The following NAV2 variants were observed in gnomAD, a reference collection of about 807,000 sequenced individuals.
NAV2 encodes helicase, APC down-regulated 1.
In NAV2, 54 loss-of-function variants were observed where a neutral mutation model predicts 223.2. The observed-to-expected ratio is 0.24, with a 90% CI of 0.19 to 0.30. The LOEUF (loss-of-function observed/expected upper bound fraction) is 0.30. NAV2 is among the 10% of genes least tolerant of loss of function. NAV2 has a pLI of 1.00. For synonymous variants in NAV2, 1,279 were observed against 1,239.3 expected (o/e 1.03, Z -0.67); for missense variants, 2,806 against 3,147.5 (o/e 0.89, Z 2.60).
intron 1 of NAV2, among the ~76,000 whole-genome samples, chr11:19,613,610 A>G (rs763890332): frequency 4.6e-5 from 7 of 152,138 alleles, no homozygotes; most frequent in African/African-American, 7.2e-5. Flanking sequence ...TCTATGGCCA[A>G]TCCTCTCCAG....
At chr11:19,971,718 T>A (rs946046706) in intron 10 of NAV2, among the ~76,000 whole-genome samples, 20 of 152,264 alleles carry the variant, frequency 1.3e-4, no homozygotes, top group African/African-American at 4.3e-4. Flanking sequence ...AACTTTTTTC[T>A]GTTTTGAGAC....
intron 19 of NAV2, among the ~76,000 whole-genome samples, chr11:20,061,568 CAA>C (rs34084582): frequency 1.2e-4 from 11 of 94,738 alleles, no homozygotes; most frequent in Admixed American, 2.2e-4. Flanking sequence ...AACTCCATCT[CAA>C]AAAAAAAAAA....
At chr11:19,625,406 A>C (rs951682586) in intron 1 of NAV2, among the ~76,000 whole-genome samples, 4 of 152,178 alleles carry the variant, frequency 2.6e-5, no homozygotes, top group Non-Finnish European at 5.9e-5. Flanking sequence ...TTATGGCTGA[A>C]TAGTATTCCA....
chr11:19,821,261 C>CAAA (rs60029840), intron 1 of NAV2, among the ~76,000 whole-genome samples: 1 of 99,594 alleles, frequency 1.0e-5, no homozygotes, highest in African/African-American at 3.8e-5. Flanking sequence ...GACTCTGTCT[C>CAAA]AAAAAAAAAA....
intron 5 of NAV2, among the ~76,000 whole-genome samples, chr11:19,890,526 C>T (rs1387361465): frequency 6.6e-6 from 1 of 152,208 alleles, no homozygotes; most frequent in Non-Finnish European, 1.5e-5. Context: ...TTCCCCTACA[C>T]CACTTAATAC....
chr11:20,082,544 T>G, intron 25 of NAV2: 1 of 1,609,636 alleles, frequency 6.2e-7, no homozygotes, highest in Non-Finnish European at 8.5e-7. Context: ...TAAAAAATTG[T>G]CTTTTTTCCT....
chr11:19,642,375 T>A (rs2135569223), intron 1 of NAV2, among the ~76,000 whole-genome samples: 1 of 152,350 alleles, frequency 6.6e-6, no homozygotes, highest in African/African-American at 2.4e-5. Context: ...GAGAGCTTTT[T>A]AAATAGACTC....
chr11:19,522,217 C>T (rs2043682529), intron 1 of NAV2, among the ~76,000 whole-genome samples: 1 of 152,116 alleles, frequency 6.6e-6, no homozygotes, highest in South Asian at 2.1e-4. Context: ...TGCAGAACAG[C>T]AAGAAGGTGG....
At chr11:20,005,387 A>G (rs558238082) in intron 11 of NAV2, among the ~76,000 whole-genome samples, 7 of 151,758 alleles carry the variant, frequency 4.6e-5, no homozygotes, top group Admixed American at 1.3e-4. Flanking sequence ...CTGGGACTAC[A>G]GGCGTCTGCC....
chr11:19,438,662 C>T (rs1344634542), intron 1 of NAV2, among the ~76,000 whole-genome samples: 1 of 152,120 alleles, frequency 6.6e-6, no homozygotes, highest in Non-Finnish European at 1.5e-5. Flanking sequence ...TGATAATTTG[C>T]TAGAATGGCT....
intron 29 of NAV2, among the ~76,000 whole-genome samples, chr11:20,094,223 C>CTTTTTTTTTTTTTTTTTTT (rs61099684): frequency 6.8e-5 from 6 of 88,522 alleles, no homozygotes; most frequent in Non-Finnish European, 1.0e-4. Flanking sequence ...TTTTCTTTAT[C>CTTTTTTTTTTTTTTTTTTT]TTTTTTTTTT....
intron 6 of NAV2, among the ~76,000 whole-genome samples, chr11:19,913,982 C>T (rs989764240): frequency 3.3e-5 from 5 of 151,150 alleles, no homozygotes; most frequent in African/African-American, 4.9e-5. Flanking sequence ...GTGGACTCCC[C>T]GAGCCAGTGT....
chr11:19,572,886 A>C (rs1202998618), intron 1 of NAV2, among the ~76,000 whole-genome samples: 2 of 152,192 alleles, frequency 1.3e-5, no homozygotes, highest in East Asian at 3.8e-4. Flanking sequence ...ACCTGGGGAA[A>C]CCTATATGAA....
At chr11:19,798,574 G>A (rs1565335590) in intron 1 of NAV2, among the ~76,000 whole-genome samples, 2 of 152,170 alleles carry the variant, frequency 1.3e-5, no homozygotes, top group Non-Finnish European at 2.9e-5. Context: ...CCTCATGCTT[G>A]TTTCTGACTG....
At chr11:19,395,194 C>T (rs563657427) in intron 1 of NAV2, among the ~76,000 whole-genome samples, 1 of 152,232 alleles carries the variant, frequency 6.6e-6, no homozygotes, top group Admixed American at 6.5e-5. Flanking sequence ...CATGGCTACA[C>T]CTGAGTGGGC....
chr11:19,982,349 C>A (rs892465632), intron 10 of NAV2, among the ~76,000 whole-genome samples: 1 of 152,040 alleles, frequency 6.6e-6, no homozygotes, highest in Admixed American at 6.6e-5. Flanking sequence ...CTCACTGCAA[C>A]CTCCACCTCC....
At chr11:19,432,432 A>G (rs1851069256) in intron 1 of NAV2, among the ~76,000 whole-genome samples, 1 of 152,210 alleles carries the variant, frequency 6.6e-6, no homozygotes, top group African/African-American at 2.4e-5. Flanking sequence ...GGTGGTGATT[A>G]AGGGAAAAGA....
intron 1 of NAV2, among the ~76,000 whole-genome samples, chr11:19,572,642 C>T (rs988659543): frequency 6.6e-6 from 1 of 152,116 alleles, no homozygotes; most frequent in African/African-American, 2.4e-5. Context: ...ACATGGTGGT[C>T]AGCACATAGA....
intron 1 of NAV2, chr11:19,575,232 C>G (rs984136864): frequency 6.5e-6 from 1 of 154,050 alleles, no homozygotes; most frequent in African/African-American, 2.4e-5. Context: ...TAGAGGGGTT[C>G]TTAGCAGCAG....
Sources: allele counts gnomAD v4.1 joint callset (sites outside exome capture counted in the v4.1 genomes callset), GRCh38; gene constraint gnomAD v4.1.1; transcripts MANE v1.5; gene names NCBI Gene and HGNC (gene_info 2026-07-23, HGNC 2026-07-21).